CDHR3: variants seen among roughly 807,000 people sequenced by gnomAD.
The protein encoded by CDHR3 is cadherin related family member 3.
In CDHR3, 79 loss-of-function variants were observed where a neutral mutation model predicts 86.6. That is an observed-to-expected ratio of 0.91 (90% confidence interval 0.76 to 1.10). The LOEUF is 1.10. Ranked by LOEUF, CDHR3 falls within the 50% of genes least tolerant of loss-of-function variation. The probability of loss-of-function intolerance (pLI) is 0.00; values close to 1 mark genes in which losing one functional copy is unlikely to be tolerated. For missense variants in CDHR3, 1,081 were observed against 1,077.6 expected (o/e 1.00, Z -0.04); for synonymous variants, 421 against 402.4 (o/e 1.05, Z -0.55).
At chr7:106,031,374 C>T (rs1441531581) in intron 18 of CDHR3, among the ~76,000 whole-genome samples, 7 of 152,224 alleles carry the variant, frequency 4.6e-5, no homozygotes, top group Non-Finnish European at 8.8e-5. Flanking sequence ...GCTCTCATCA[C>T]CCCCGTGAAA....
At chr7:106,012,724 T>C in intron 8 of CDHR3, 136 bp from the exon 9 acceptor site, 1 of 911,194 alleles carries the variant, frequency 1.1e-6, no homozygotes. Context: ...GGAGACCAGT[T>C]AGGAGGTGAC....
In CDHR3 at chr7:106,032,643, C is replaced by T; in HGVS notation, c.2604C>T (p.Asn868=). The change falls in exon 19 of 19, where the codon AAC becomes AAT. Residue 868 remains asparagine (N), a synonymous_variant. Coordinates refer to ENST00000317716, the MANE Select transcript of CDHR3 (RefSeq NM_152750.5). ...GTGGCAAGCTGGGCAACCCAAAGAA[C>T]AGAAATCCAGCCTTCATGAACAGGG... ...NEGGKLGNPK[N]RNPAFMNRAY... 1 of 1,613,782 alleles carries T rather than the reference C, an allele frequency of 6.2e-7. No homozygotes were observed. Among genetic ancestry groups the T allele is most frequent in the Non-Finnish European group, 8.5e-7 (1 of 1,179,800 alleles).
At chr7:106,022,095 G>A in intron 13 of CDHR3, 103 bp from the exon 14 acceptor site, 2 of 1,402,764 alleles carry the variant, frequency 1.4e-6, no homozygotes, top group Admixed American at 1.9e-5. Context: ...CACTTGAGGT[G>A]TGGACATTTG....
At chr7:105,971,284 G>C (rs891563079) in intron 1 of CDHR3, among the ~76,000 whole-genome samples, 1 of 152,136 alleles carries the variant, frequency 6.6e-6, no homozygotes, top group Non-Finnish European at 1.5e-5. Context: ...CTTGCCCTGG[G>C]AAGAGAGGCC....
chr7:105,963,586 T>C (rs1306069015), intron 1 of CDHR3, among the ~76,000 whole-genome samples: 2 of 152,158 alleles, frequency 1.3e-5, no homozygotes, highest in South Asian at 2.1e-4. Context: ...CTAATCTATG[T>C]TGGTGTAGAC....
chr7:105,980,025 G>C (rs1042319341), intron 2 of CDHR3, among the ~76,000 whole-genome samples: 1 of 152,086 alleles, frequency 6.6e-6, no homozygotes, highest in African/African-American at 2.4e-5. Context: ...CCTGTTCCTC[G>C]CATCCCTCCC....
At chr7:106,003,724 C>T (rs978173252) in intron 7 of CDHR3, among the ~76,000 whole-genome samples, 1 of 152,094 alleles carries the variant, frequency 6.6e-6, no homozygotes, top group African/African-American at 2.4e-5. Context: ...AAAACAATGT[C>T]CTGTTGGCTC....
intron 4 of CDHR3, among the ~76,000 whole-genome samples, chr7:105,988,034 G>A (rs1830779731): frequency 6.6e-6 from 1 of 152,052 alleles, no homozygotes. Context: ...GGGACTACAG[G>A]TGCCCGCCAT....
intron 8 of CDHR3, 42 bp from the exon 9 acceptor site, chr7:106,012,818 A>G (rs1466269219): frequency 6.4e-7 from 1 of 1,553,014 alleles, no homozygotes; most frequent in Non-Finnish European, 8.7e-7. Flanking sequence ...ACAGTCGATT[A>G]CCATTTATTG....
intron 4 of CDHR3, among the ~76,000 whole-genome samples, chr7:105,989,016 A>G (rs1585612069): frequency 6.6e-6 from 1 of 152,196 alleles, no homozygotes; most frequent in African/African-American, 2.4e-5. Flanking sequence ...ACGTGAGGGT[A>G]GTGGCTACTG....
In CDHR3 at chr7:105,971,140, C is replaced by CAAAA. The variant is rs5886378; in HGVS notation, c.47-3690_47-3687dup. ...TGGGAGACAGAGCGAGACTCCATTTCAAAAAAAAAAAAAAAAATCAGTATC... is the reference window on the plus strand; with the variant it reads ...TGGGAGACAGAGCGAGACTCCATTTCAAAAAAAAAAAAAAAAAAAAATCAGTATC... On this transcript the variant is annotated intron_variant, in intron 1 of 18. Transcript: ENST00000317716. Among the ~76,000 whole-genome samples, 61 of 136,886 alleles carry CAAAA rather than the reference C, an allele frequency of 4.5e-4. No individual in the cohort carries two copies. The East Asian group carries it at 4.9e-3, about 11-fold the overall frequency. 89.8% of individuals were successfully genotyped at this position (136,886 alleles called of 152,430 possible). A position where few individuals can be genotyped will look rare whatever the true frequency, so the allele number is the denominator to read the frequency against.
chr7:105,982,549 C>T (rs187404907), intron 3 of CDHR3, among the ~76,000 whole-genome samples: 166 of 152,098 alleles, frequency 1.1e-3, no homozygotes, highest in South Asian at 6.9e-3. Context: ...TACCCCTCCT[C>T]CTTTCCCCTT....
intron 6 of CDHR3, among the ~76,000 whole-genome samples, chr7:106,001,099 C>G (rs1010441993): frequency 1.3e-5 from 2 of 152,124 alleles, no homozygotes; most frequent in African/African-American, 2.4e-5. Context: ...GGGACATCTG[C>G]ACAAAACGTG....
At chr7:105,967,576 G>A (rs564309808) in intron 1 of CDHR3, among the ~76,000 whole-genome samples, 60 of 152,292 alleles carry the variant, frequency 3.9e-4, no homozygotes, top group African/African-American at 9.1e-4. Context: ...CACCAACAGC[G>A]TAAAAGCGTT....
At chr7:105,969,213 G>A (rs1426856896) in intron 1 of CDHR3, among the ~76,000 whole-genome samples, 5 of 150,154 alleles carry the variant, frequency 3.3e-5, no homozygotes, top group East Asian at 2.0e-4. Context: ...TGGCTAACAC[G>A]GTGAAACCCC....
chr7:106,025,805 A>C (rs1179202749), intron 15 of CDHR3, among the ~76,000 whole-genome samples: 5 of 152,246 alleles, frequency 3.3e-5, no homozygotes, highest in Admixed American at 3.3e-4. Flanking sequence ...TCAAGGTAAG[A>C]AATCCTCGAG....
intron 3 of CDHR3, among the ~76,000 whole-genome samples, chr7:105,982,674 T>C (rs1295902891): frequency 2.6e-5 from 4 of 151,426 alleles, no homozygotes; most frequent in African/African-American, 7.3e-5. Flanking sequence ...TCCCCTCCTA[T>C]CTCCTGGCTC....
chr7:106,020,383 A>T lies in CDHR3; in HGVS notation c.1664A>T (p.Asn555Ile), dbSNP rs1836378971. 1 of 1,609,626 alleles carries T rather than the reference A, an allele frequency of 6.2e-7. No homozygotes were observed. The highest frequency in any genetic ancestry group is 1.7e-5 in the Admixed American group (1 of 59,366). ...TTCTTGCTACTCTAGGTTACTGTGA[A>T]CATCCTTGAAGAAAATGATGAAAAG... Reference protein sequence around the residue: ...EDTSSVTVTVNILEENDEKPI... With the variant: ...EDTSSVTVTVIILEENDEKPI... Residue 555 changes from asparagine to isoleucine, a missense_variant, in exon 13 of 19, where the codon AAC becomes ATC. By Grantham distance (149) the Asn-to-Ile change is moderately radical. Coordinates refer to ENST00000317716, the MANE Select transcript of CDHR3 (RefSeq NM_152750.5).
chr7:106,015,314 C>A, intron 10 of CDHR3, 101 bp downstream of exon 10: 1 of 996,186 alleles, frequency 1.0e-6, no homozygotes, highest in Non-Finnish European at 1.5e-6. Context: ...CCCCTTCTCA[C>A]TAGTACTGCC....
Sources: allele counts gnomAD v4.1 joint callset (sites outside exome capture counted in the v4.1 genomes callset), GRCh38; gene constraint gnomAD v4.1.1; transcripts MANE v1.5; gene names NCBI Gene and HGNC (gene_info 2026-07-23, HGNC 2026-07-21).